SGTB: variants seen among roughly 807,000 people sequenced by gnomAD.
SGTB encodes the protein small glutamine-rich tetratricopeptide repeat-containing protein beta.
Under a neutral mutation model 43.9 loss-of-function variants are expected in SGTB, and 19 were observed. That is an observed-to-expected ratio of 0.43 (90% CI 0.30 to 0.63). SGTB has a LOEUF of 0.63. SGTB is among the 30% of genes least tolerant of loss of function. SGTB has a pLI of 0.12. For missense variants in SGTB, 304 were observed against 358.9 expected, an observed-to-expected ratio of 0.85 and a Z score of 1.24; for synonymous variants, 116 against 117.3, an observed-to-expected ratio of 0.99 and a Z score of 0.07.
At chr5:65,672,124 T>C (rs1234517694) in intron 9 of SGTB, 120 bp downstream of exon 9, 4 of 1,572,478 alleles carry the variant, frequency 2.5e-6, no homozygotes, top group Non-Finnish European at 3.5e-6. Context: ...TGTGTGGCTT[T>C]AAGCTCCAAC....
At position 65,721,947 on chromosome 5, in the gene SGTB, G is replaced by A. The variant is rs1758300814; in HGVS notation, c.-53C>T. 6.6e-6 allele frequency: 1 copy of A among 152,310 alleles called. No homozygotes were observed. Among genetic ancestry groups the A allele is most frequent in the Admixed American group, 6.5e-5 (1 of 15,286 alleles). The allele number at this position is 152,310 out of a possible 1,614,324, so 9.4% of individuals were successfully genotyped here. A position where few individuals can be genotyped will look rare whatever the true frequency, so the allele number is the denominator to read the frequency against. On this transcript the variant is annotated 5_prime_UTR_variant, in exon 1 of 11. Transcript: ENST00000381007. ...AGGAGGACGCGAGACGACTGCTGCT[G>A]GCCCGCGGGGTTCCGTAGGCAGGCC...
Position 65,670,176 on chromosome 5 carries a change from A to C in SGTB, c.*70T>G, listed in dbSNP as rs143891942. 7.4e-7 allele frequency: 1 copy of C among 1,346,876 alleles called. No individual in the cohort carries two copies. The highest frequency in any genetic ancestry group is 1.4e-5 in the African/African-American group (1 of 69,446). 83.4% of individuals were successfully genotyped at this position (1,346,876 alleles called of 1,614,324 possible). Reference sequence around the variant, plus strand: ...TGGTTTTTTGAAGGAGGGAGGGGGTACTATCTACAACAAATACTTCATTCA... The same window carrying C: ...TGGTTTTTTGAAGGAGGGAGGGGGTCCTATCTACAACAAATACTTCATTCA... On this transcript the variant is annotated 3_prime_UTR_variant, in exon 11 of 11. Coordinates refer to ENST00000381007, the MANE Select transcript of SGTB (RefSeq NM_019072.3).
At chr5:65,685,579 C>A in intron 5 of SGTB, 107 bp from the exon 6 acceptor site, 1 of 781,700 alleles carries the variant, frequency 1.3e-6, no homozygotes, top group Admixed American at 2.6e-5. Flanking sequence ...TTGTAGATCA[C>A]TCCCACTAAA....
chr5:65,693,226 G>A (rs1757647402), intron 5 of SGTB, among the ~76,000 whole-genome samples: 1 of 150,230 alleles, frequency 6.7e-6, no homozygotes. Context: ...AGGGAAGGAA[G>A]GGAAAGAGAG....
chr5:65,722,405 G>A, upstream of SGTB: 1 of 1,590,640 alleles, frequency 6.3e-7, no homozygotes, highest in Admixed American at 1.7e-5. Flanking sequence ...GCTGTGCGAA[G>A]CCTCCGCAGG....
Position 65,713,144 on chromosome 5 carries a change from A to G in SGTB, c.101-80T>C, listed in dbSNP as rs902561371. ...GTTTTTTTTTTCTGATAGAACTGCA[A>G]TGTATGGAAATTCAGTATTTATGAT... On this transcript the variant is annotated intron_variant, in intron 2 of 10. Coordinates refer to ENST00000381007, the MANE Select transcript of SGTB (RefSeq NM_019072.3). The G allele has an allele frequency of 1.3e-5, 12 of 942,272 alleles. No homozygotes were observed. In the African/African-American group the frequency reaches 1.8e-4, roughly 14 times the overall value. The allele number at this position is 942,272 out of a possible 1,614,324, so 58.4% of individuals were successfully genotyped here.
At chr5:65,714,524 G>A (rs1049726450) in intron 2 of SGTB, among the ~76,000 whole-genome samples, 20 of 152,194 alleles carry the variant, frequency 1.3e-4, no homozygotes, top group Non-Finnish European at 2.2e-4. Flanking sequence ...TTTGAAGTCT[G>A]TCGTTGGAGG....
At chr5:65,672,958 T>C (rs1757187294) in intron 8 of SGTB, among the ~76,000 whole-genome samples, 1 of 152,340 alleles carries the variant, frequency 6.6e-6, no homozygotes, top group Non-Finnish European at 1.5e-5. Context: ...CAGTCAGGAT[T>C]GGTGCCTCTG....
intron 2 of SGTB, among the ~76,000 whole-genome samples, chr5:65,719,325 C>T (rs1441661471): frequency 2.0e-5 from 3 of 152,172 alleles, no homozygotes; most frequent in East Asian, 1.9e-4. Context: ...AGGGGTGGCT[C>T]ATGCCTGTAA....
intron 5 of SGTB, among the ~76,000 whole-genome samples, chr5:65,702,350 T>TA (rs950260360): frequency 1.1e-4 from 16 of 152,060 alleles, no homozygotes; most frequent in Non-Finnish European, 2.1e-4. Flanking sequence ...ACCATGATGT[T>TA]AAAAAATAAA....
chr5:65,682,780 G>A (rs1234088239), intron 6 of SGTB, among the ~76,000 whole-genome samples: 2 of 152,140 alleles, frequency 1.3e-5, no homozygotes, highest in Non-Finnish European at 2.9e-5. Context: ...TAGAATATAT[G>A]AGTACGGAGT....
At chr5:65,684,845 G>A (rs164643) in intron 6 of SGTB, among the ~76,000 whole-genome samples, 49,636 of 152,016 alleles carry the variant, frequency 0.33, 8,464 homozygotes, top group Non-Finnish European at 0.37. Context: ...GAGTCACCAC[G>A]CCCAGCCAGA....
chr5:65,707,133 C>T (rs1452499435), intron 4 of SGTB, among the ~76,000 whole-genome samples: 2 of 151,466 alleles, frequency 1.3e-5, no homozygotes, highest in African/African-American at 2.4e-5. Context: ...CGTGGTGGCA[C>T]GCGCCTATGA....
intron 5 of SGTB, among the ~76,000 whole-genome samples, chr5:65,701,876 G>A (rs919163102): frequency 6.6e-6 from 1 of 152,078 alleles, no homozygotes; most frequent in Non-Finnish European, 1.5e-5. Context: ...CTCGTGATCC[G>A]CCCGCGTCGG....
intron 3 of SGTB, 52 bp from the exon 4 acceptor site, chr5:65,708,610 T>C: frequency 1.4e-6 from 2 of 1,388,144 alleles, no homozygotes; most frequent in Non-Finnish European, 2.0e-6. Context: ...TAAAGAATCA[T>C]CCTAGAGTAC....
chr5:65,703,588 G>A (rs1287359618), intron 5 of SGTB, among the ~76,000 whole-genome samples: 1 of 152,044 alleles, frequency 6.6e-6, no homozygotes, highest in Non-Finnish European at 1.5e-5. Context: ...GCATGGTGGT[G>A]TGCACCTGTA....
chr5:65,684,605 T>C (rs1757461403), intron 6 of SGTB, among the ~76,000 whole-genome samples: 1 of 151,942 alleles, frequency 6.6e-6, no homozygotes, highest in Non-Finnish European at 1.5e-5. Context: ...CAGACTGGAG[T>C]GCAGTGGCTC....
At chr5:65,687,464 A>G (rs1379076180) in intron 5 of SGTB, among the ~76,000 whole-genome samples, 1 of 152,194 alleles carries the variant, frequency 6.6e-6, no homozygotes, top group Admixed American at 6.5e-5. Context: ...ATTTCAAGAA[A>G]ACTCATATTT....
At chr5:65,717,042 G>A (rs1165634562) in intron 2 of SGTB, among the ~76,000 whole-genome samples, 1 of 151,856 alleles carries the variant, frequency 6.6e-6, no homozygotes, top group Non-Finnish European at 1.5e-5. Flanking sequence ...TATACTGGGG[G>A]TGGTGGGGGT....
Sources: allele counts gnomAD v4.1 joint callset (sites outside exome capture counted in the v4.1 genomes callset), GRCh38; gene constraint gnomAD v4.1.1; transcripts MANE v1.5; gene names NCBI Gene and HGNC (gene_info 2026-07-23, HGNC 2026-07-21).